Variants in RAC2 observed in about 807,000 individuals in gnomAD.
The protein encoded by RAC2 is ras-related C3 botulinum toxin substrate 2.
A neutral mutation model predicts 24.0 loss-of-function variants in RAC2; 1 was observed. The ratio of observed to expected loss-of-function variants is 0.04; its 90% CI spans 0.01 to 0.20. The LOEUF (loss-of-function observed/expected upper bound fraction) is 0.20. Ranked by LOEUF, RAC2 falls within the 10% of genes least tolerant of loss-of-function variation. The pLI, the probability that RAC2 is intolerant of heterozygous loss-of-function variation, is 1.00. For missense variants in RAC2, 130 were observed against 259.1 expected, an observed-to-expected ratio of 0.50 and a Z score of 3.42; for synonymous variants, 114 against 106.8, an observed-to-expected ratio of 1.07 and a Z score of -0.41.
chr22:37,239,015 A>G (rs2284038), intron 2 of RAC2, among the ~76,000 whole-genome samples: 61,224 of 151,852 alleles, frequency 0.4, 12,696 homozygotes, highest in African/African-American at 0.49. Context: ...AGCTCTCTCC[A>G]CCTTAATCTC....
At chr22:37,241,830 C>A (rs1183495732) in intron 1 of RAC2, among the ~76,000 whole-genome samples, 172 bp from the exon 2 acceptor site, 2 of 152,206 alleles carry the variant, frequency 1.3e-5, no homozygotes, top group Non-Finnish European at 2.9e-5. Context: ...CGAGAGCCTG[C>A]AAGTCATGTG....
intron 2 of RAC2, among the ~76,000 whole-genome samples, chr22:37,234,044 T>C (rs1320833292): frequency 6.6e-6 from 1 of 151,976 alleles, no homozygotes; most frequent in African/African-American, 2.4e-5. Flanking sequence ...TCCCAATGTC[T>C]CCCGCCAGAC....
At chr22:37,235,527 G>A (rs1191210345) in intron 2 of RAC2, among the ~76,000 whole-genome samples, 4 of 152,200 alleles carry the variant, frequency 2.6e-5, no homozygotes, top group Non-Finnish European at 1.5e-5. Context: ...CATCCCAGGT[G>A]GCAGGCACTA....
At chr22:37,233,202 C>A (rs757638126) in intron 2 of RAC2, among the ~76,000 whole-genome samples, 2 of 152,216 alleles carry the variant, frequency 1.3e-5, no homozygotes, top group African/African-American at 4.8e-5. Flanking sequence ...GGCTGTGTAA[C>A]TTTTCCTCCC....
In RAC2 at chr22:37,231,694, G is replaced by T. The variant is rs1927067282; in HGVS notation, c.288+238C>A. Among the ~76,000 whole-genome samples, 1 of 152,088 alleles carries T rather than the reference G, an allele frequency of 6.6e-6. No homozygotes were observed. The highest frequency in any genetic ancestry group is 2.4e-5 in the African/African-American group (1 of 41,400). ...GGAGGCGGACATGAGGTTGTGTGGG[G>T]AGGAGGAGAATGCAGCCATGGAAAG... On this transcript the variant is annotated intron_variant, in intron 4 of 6. Coordinates refer to ENST00000249071, the MANE Select transcript of RAC2 (RefSeq NM_002872.5). The surrounding 1 kb of genome is among the most constrained non-coding windows in gnomAD (Gnocchi z 5.5).
chr22:37,232,596 T>C, intron 3 of RAC2: 1 of 601,706 alleles, frequency 1.7e-6, no homozygotes, highest in Non-Finnish European at 3.0e-6. Context: ...ATGGGCACAT[T>C]GAGGACCGGG....
intron 2 of RAC2, among the ~76,000 whole-genome samples, chr22:37,233,625 G>A (rs1041390423): frequency 3.3e-5 from 5 of 152,234 alleles, no homozygotes; most frequent in Non-Finnish European, 7.3e-5. Context: ...CTCAGGCTGG[G>A]TCCCCCCAGA....
chr22:37,232,792 G>GCAGCACACCGT lies in RAC2; in HGVS notation c.223_225+8dup. 6.2e-7 allele frequency: 1 copy of GCAGCACACCGT among 1,604,746 alleles called. No individual in the cohort carries two copies. The highest frequency in any genetic ancestry group is 8.5e-7 in the Non-Finnish European group (1 of 1,171,954). Reference sequence around the variant, plus strand: ...GGTCAGGACTGCAAGGCAGGTGGGAGCAGCACACCGTCTGTGGATAGGAGA... The same window carrying GCAGCACACCGT: ...GGTCAGGACTGCAAGGCAGGTGGGAGCAGCACACCGTCAGCACACCGTCTGTGGATAGGAGA... On this transcript the variant is annotated intron_variant, in intron 3 of 6. Coordinates refer to ENST00000249071, the MANE Select transcript of RAC2 (RefSeq NM_002872.5).
intron 1 of RAC2, among the ~76,000 whole-genome samples, chr22:37,243,108 C>T (rs1041174851): frequency 7.2e-5 from 11 of 152,212 alleles, no homozygotes; most frequent in African/African-American, 2.7e-4. Context: ...AGGCGATTCT[C>T]CCACCTCAGC....
intron 2 of RAC2, chr22:37,241,099 A>G: frequency 1.3e-6 from 1 of 772,920 alleles, no homozygotes; most frequent in Non-Finnish European, 2.4e-6. Context: ...TGACACCAAC[A>G]CGCTCCCTCC....
chr22:37,232,412 T>C (rs966553826), intron 3 of RAC2: 5 of 419,192 alleles, frequency 1.2e-5, no homozygotes, highest in African/African-American at 2.0e-5. Context: ...CTGCATACCC[T>C]GGAGGAAGGG....
At chr22:37,242,294 T>G (rs1927422939) in intron 1 of RAC2, among the ~76,000 whole-genome samples, 1 of 152,220 alleles carries the variant, frequency 6.6e-6, no homozygotes, top group South Asian at 2.1e-4. Flanking sequence ...CAGAGTGGTC[T>G]GGGTTCAAAT....
intron 3 of RAC2, 61 bp downstream of exon 3, chr22:37,232,740 C>T (rs1352874476): frequency 2.1e-6 from 3 of 1,441,520 alleles, no homozygotes; most frequent in Non-Finnish European, 2.9e-6. Flanking sequence ...GAAGGGCATC[C>T]CAAGCAGAGG....
intron 1 of RAC2, 135 bp downstream of exon 1, chr22:37,243,979 G>A: frequency 8.1e-7 from 1 of 1,234,470 alleles, no homozygotes; most frequent in Non-Finnish European, 1.2e-6. Flanking sequence ...CCTCGGAGAA[G>A]GAAGCGTCCC....
chr22:37,233,437 C>T (rs1287669378), intron 2 of RAC2, among the ~76,000 whole-genome samples: 1 of 152,138 alleles, frequency 6.6e-6, no homozygotes, highest in Non-Finnish European at 1.5e-5. Context: ...CATGCACCAC[C>T]ACGCCCAGCT....
intron 2 of RAC2, among the ~76,000 whole-genome samples, chr22:37,237,778 C>T (rs56235347): frequency 0.01 from 1,556 of 152,034 alleles, 24 homozygotes; most frequent in African/African-American, 0.036. Context: ...TAGAAACTGG[C>T]GCGATGGCAG....
At chr22:37,232,678 CCT>C in intron 3 of RAC2, 121 bp downstream of exon 3, 1 of 787,040 alleles carries the variant, frequency 1.3e-6, no homozygotes, top group South Asian at 1.4e-5. Flanking sequence ...AGGCAGACTC[CCT>C]GAGCTGGGCC....
At position 37,238,478 on chromosome 22, in the gene RAC2, G is replaced by A. The variant is rs549323905; in HGVS notation, c.107+3109C>T. On this transcript the variant is annotated intron_variant, in intron 2 of 6. Transcript: ENST00000249071. ...TGGTCTCGAACTCATGGGCTCAAGC[G>A]ATCTGCCTGCCTCAGCCTCCCAAAG... Among the ~76,000 whole-genome samples the A allele has an allele frequency of 3.3e-5, 5 of 152,244 alleles. No homozygotes were observed. In the South Asian group the frequency reaches 6.2e-4, roughly 19 times the overall value.
chr22:37,235,216 T>A (rs1471168196), intron 2 of RAC2, among the ~76,000 whole-genome samples: 3 of 151,978 alleles, frequency 2.0e-5, no homozygotes, highest in Non-Finnish European at 4.4e-5. Context: ...CCCCAAAAAG[T>A]GGGCAGCCCA....
Sources: gnomAD v4.1 joint callset for allele counts (sites outside exome capture counted in the v4.1 genomes callset) on GRCh38, gnomAD v4.1.1 for gene constraint, Gnocchi (gnomAD v3.1) non-coding constraint, MANE v1.5 for transcripts, NCBI Gene and HGNC (gene_info 2026-07-23, HGNC 2026-07-21) for gene names.